Variants in TBC1D19 observed in about 807,000 individuals in gnomAD.
TBC1D19 encodes the protein TBC1 domain family, member 19.
TBC1D19 carries 60 observed loss-of-function variants against 89.0 expected under a neutral mutation model. That is an observed-to-expected ratio of 0.67 (90% CI 0.55 to 0.84). The LOEUF is 0.84. Ranked by LOEUF, TBC1D19 falls within the 40% of genes least tolerant of loss-of-function variation. The probability of loss-of-function intolerance (pLI) is 0.00; values close to 1 mark genes in which losing one functional copy is unlikely to be tolerated. For synonymous variants in TBC1D19, 189 were observed against 199.7 expected, an observed-to-expected ratio of 0.95 and a Z score of 0.45; for missense variants, 500 against 610.8, an observed-to-expected ratio of 0.82 and a Z score of 1.91.
intron 1 of TBC1D19, among the ~76,000 whole-genome samples, chr4:26,590,633 A>C (rs1739708059): frequency 6.6e-6 from 1 of 152,142 alleles, no homozygotes; most frequent in Non-Finnish European, 1.5e-5. Context: ...AAAATTGATC[A>C]GAAAGTAGTT....
chr4:26,810,063 C>T, the TBC1D19 span, among the ~76,000 whole-genome samples: 499 of 152,304 alleles, frequency 3.3e-3, 1 homozygote, highest in Non-Finnish European at 5.4e-3. Flanking sequence ...ACAGGGCAGG[C>T]CACAGTGATG....
intron 13 of TBC1D19, among the ~76,000 whole-genome samples, chr4:26,710,205 C>T (rs1481145108): frequency 6.6e-6 from 1 of 151,942 alleles, no homozygotes; most frequent in Non-Finnish European, 1.5e-5. Flanking sequence ...CAACAGTCCC[C>T]AGTGTGTGAT....
intron 4 of TBC1D19, among the ~76,000 whole-genome samples, chr4:26,622,192 T>A (rs1346922929): frequency 6.6e-6 from 1 of 151,942 alleles, no homozygotes; most frequent in Non-Finnish European, 1.5e-5. Flanking sequence ...CATGTATACA[T>A]ATGTAACAAA....
chr4:26,800,262 T>G, the TBC1D19 span, among the ~76,000 whole-genome samples: 9 of 152,190 alleles, frequency 5.9e-5, no homozygotes, highest in African/African-American at 2.2e-4. Flanking sequence ...AGTGTTTGGT[T>G]TTTTGTCCTT....
the TBC1D19 span, among the ~76,000 whole-genome samples, chr4:26,772,873 C>T: frequency 6.6e-6 from 1 of 152,154 alleles, no homozygotes; most frequent in Admixed American, 6.5e-5. Context: ...CATTGATGGA[C>T]ATTTAGTTTC....
At chr4:26,707,386 G>T (rs1241965176) in intron 13 of TBC1D19, among the ~76,000 whole-genome samples, 2 of 152,020 alleles carry the variant, frequency 1.3e-5, no homozygotes, top group South Asian at 2.1e-4. Flanking sequence ...TGCATGGAGG[G>T]TCTTTTTCTG....
intron 13 of TBC1D19, among the ~76,000 whole-genome samples, chr4:26,690,245 G>A (rs1423513326): frequency 1.3e-5 from 2 of 152,120 alleles, no homozygotes; most frequent in Non-Finnish European, 2.9e-5. Context: ...AGCAAAGGTT[G>A]GTTTATGTGG....
chr4:26,829,789 CT>C, the TBC1D19 span, among the ~76,000 whole-genome samples: 1 of 152,186 alleles, frequency 6.6e-6, no homozygotes, highest in East Asian at 1.9e-4. Flanking sequence ...GTCCTGGCAG[CT>C]TTTTGTGATA....
Position 26,690,792 on chromosome 4 carries a change from A to G in TBC1D19, c.954+2385A>G, listed in dbSNP as rs555106897. Among the ~76,000 whole-genome samples, 3 of 152,354 alleles carry G rather than the reference A, an allele frequency of 2.0e-5. No individual in the cohort carries two copies. In the East Asian group the frequency reaches 5.8e-4, roughly 29 times the overall value. ...CTCTGATGCAGATGTACAAGGAGAT[A>G]AATGTTGTTTTCATACCTAGTAACA... On this transcript the variant is annotated intron_variant, in intron 13 of 20. Coordinates refer to ENST00000264866, the MANE Select transcript of TBC1D19 (RefSeq NM_018317.4).
chr4:26,666,280 A>G, intron 8 of TBC1D19, 53 bp from the exon 9 acceptor site: 1 of 1,428,408 alleles, frequency 7.0e-7, no homozygotes, highest in Non-Finnish European at 9.8e-7. Flanking sequence ...ATCTTTTAAC[A>G]ATGTGCAGCA....
intron 13 of TBC1D19, among the ~76,000 whole-genome samples, chr4:26,705,360 C>T (rs563870443): frequency 4.6e-5 from 7 of 152,056 alleles, no homozygotes; most frequent in Non-Finnish European, 8.8e-5. Flanking sequence ...TCACCAAATC[C>T]AATGTTGTGA....
the TBC1D19 span, among the ~76,000 whole-genome samples, chr4:26,787,325 C>T: frequency 1.3e-5 from 2 of 152,078 alleles, no homozygotes; most frequent in Non-Finnish European, 2.9e-5. Context: ...TGGTCTCAAA[C>T]TCCTGAGCTC....
the TBC1D19 span, among the ~76,000 whole-genome samples, chr4:26,844,744 T>C: frequency 6.6e-6 from 1 of 152,208 alleles, no homozygotes; most frequent in South Asian, 2.1e-4. Flanking sequence ...TGCTGTCAGC[T>C]AACTTTTATT....
the TBC1D19 span, among the ~76,000 whole-genome samples, chr4:26,784,040 C>T: frequency 6.6e-6 from 1 of 152,196 alleles, no homozygotes; most frequent in African/African-American, 2.4e-5. Flanking sequence ...TATCCTCCAT[C>T]CTCCTGGAAG....
At chr4:26,629,550 C>G (rs1742659611) in intron 4 of TBC1D19, among the ~76,000 whole-genome samples, 1 of 151,932 alleles carries the variant, frequency 6.6e-6, no homozygotes, top group Non-Finnish European at 1.5e-5. Context: ...AGAGAACATT[C>G]CTAGAAAATA....
intron 15 of TBC1D19, among the ~76,000 whole-genome samples, chr4:26,720,782 A>G (rs1171331103): frequency 6.6e-6 from 1 of 152,096 alleles, no homozygotes; most frequent in Admixed American, 6.6e-5. Context: ...TCAGATCCCA[A>G]TTCTTCCAGC....
chr4:26,741,332 C>T (rs1482898447), intron 17 of TBC1D19, among the ~76,000 whole-genome samples: 1 of 136,372 alleles, frequency 7.3e-6, no homozygotes, highest in Admixed American at 8.1e-5. Context: ...GTCCGCAGTC[C>T]GGCCTGGGCG....
the TBC1D19 span, among the ~76,000 whole-genome samples, chr4:26,853,753 G>T: frequency 0.77 from 117,155 of 152,036 alleles, 45,471 homozygotes; most frequent in Middle Eastern, 0.96. Flanking sequence ...GTCAGGCTGG[G>T]CTCGAACTCC....
intron 8 of TBC1D19, among the ~76,000 whole-genome samples, chr4:26,664,528 A>C (rs531741323): frequency 1.2e-4 from 18 of 152,324 alleles, no homozygotes; most frequent in African/African-American, 4.1e-4. Flanking sequence ...TCAATTACAG[A>C]AGAGTGCCTT....
Sources: gnomAD v4.1 joint callset for allele counts (sites outside exome capture counted in the v4.1 genomes callset) on GRCh38, gnomAD v4.1.1 for gene constraint, MANE v1.5 for transcripts, NCBI Gene and HGNC (gene_info 2026-07-23, HGNC 2026-07-21) for gene names.